The following TTC28 variants were observed in gnomAD, a reference collection of about 807,000 sequenced individuals.
TTC28 encodes the protein tetratricopeptide repeat protein 28.
In TTC28, 61 loss-of-function variants were observed where a neutral mutation model predicts 198.0. The observed-to-expected ratio is 0.31, with a 90% CI of 0.25 to 0.38. TTC28 has a LOEUF of 0.38. TTC28 is among the 10% of genes least tolerant of loss of function. The pLI, the probability that TTC28 is intolerant of heterozygous loss-of-function variation, is 1.00. For missense variants in TTC28, 2,678 were observed against 3,164.0 expected (o/e 0.85, Z 3.69); for synonymous variants, 1,171 against 1,297.8 (o/e 0.90, Z 2.10).
chr22:28,160,103 G>C (rs1921001752), intron 6 of TTC28, among the ~76,000 whole-genome samples: 1 of 152,174 alleles, frequency 6.6e-6, no homozygotes, highest in Non-Finnish European at 1.5e-5. Flanking sequence ...AATGGCTAAT[G>C]GGTATCAAAA....
chr22:28,015,059 A>G (rs1379817507), intron 13 of TTC28, among the ~76,000 whole-genome samples: 1 of 152,208 alleles, frequency 6.6e-6, no homozygotes, highest in Non-Finnish European at 1.5e-5. Context: ...TTTCAACCCC[A>G]AGGACCCCAA....
chr22:28,209,186 G>C (rs1371983936), intron 5 of TTC28, among the ~76,000 whole-genome samples: 1 of 152,112 alleles, frequency 6.6e-6, no homozygotes, highest in Admixed American at 6.5e-5. Context: ...GAGAAGACTG[G>C]GATGGCCGAA....
rs975088321 is a variant in TTC28, at chr22:28,110,537, T to C, written c.1442-2134A>G. 1.3e-4 allele frequency among the ~76,000 whole-genome samples: 20 copies of C among 152,200 alleles called. 1 individual carries two copies. Among genetic ancestry groups the C allele is most frequent in the Admixed American group, 1.3e-3 (20 of 15,290 alleles). ...AAGGTGCTGGAAATTAAATAAGCCA[T>C]GGTAATTCTTCTGTATATTTTTTAT... On this transcript the variant is annotated intron_variant, in intron 6 of 22. Coordinates refer to ENST00000397906, the MANE Select transcript of TTC28 (RefSeq NM_001145418.2).
intron 2 of TTC28, among the ~76,000 whole-genome samples, chr22:28,569,361 C>T (rs1316221810): frequency 6.6e-6 from 1 of 152,010 alleles, no homozygotes; most frequent in African/African-American, 2.4e-5. Context: ...AAAACAGACA[C>T]ATATACAATG....
chr22:28,637,370 C>T (rs1292959891), intron 1 of TTC28, among the ~76,000 whole-genome samples: 1 of 152,100 alleles, frequency 6.6e-6, no homozygotes, highest in East Asian at 1.9e-4. Flanking sequence ...GGTTAAGGAT[C>T]CAATTACACT....
At chr22:28,660,980 A>G (rs2051734302) in intron 1 of TTC28, among the ~76,000 whole-genome samples, 1 of 152,066 alleles carries the variant, frequency 6.6e-6, no homozygotes, top group South Asian at 2.1e-4. Context: ...TTCTTTTGCT[A>G]TCTTAAAAAC....
intron 14 of TTC28, chr22:28,007,172 G>A (rs1180761381): frequency 2.0e-5 from 3 of 151,972 alleles, no homozygotes; most frequent in Admixed American, 6.6e-5. Context: ...CTGTGTATAG[G>A]GCTTCACATT....
At chr22:28,645,943 T>C (rs998138167) in intron 1 of TTC28, among the ~76,000 whole-genome samples, 1 of 152,044 alleles carries the variant, frequency 6.6e-6, no homozygotes, top group Non-Finnish European at 1.5e-5. Flanking sequence ...AAAGCATGTA[T>C]GATAAACTTA....
At chr22:28,018,348 C>A (rs1351333919) in intron 13 of TTC28, among the ~76,000 whole-genome samples, 6 of 147,268 alleles carry the variant, frequency 4.1e-5, no homozygotes, top group Non-Finnish European at 7.5e-5. Flanking sequence ...AGATCCTTTT[C>A]AAAATAAAAA....
intron 2 of TTC28, among the ~76,000 whole-genome samples, chr22:28,539,927 C>T (rs887974360): frequency 1.4e-5 from 2 of 146,622 alleles, no homozygotes; most frequent in Non-Finnish European, 3.0e-5. Context: ...TCTGGGGAGG[C>T]CTCAGGAAGC....
At chr22:28,534,045 C>T (rs964733981) in intron 2 of TTC28, among the ~76,000 whole-genome samples, 2 of 152,074 alleles carry the variant, frequency 1.3e-5, no homozygotes, top group Admixed American at 6.5e-5. Context: ...GCAACAAAAG[C>T]CAAAATTGAC....
intron 5 of TTC28, among the ~76,000 whole-genome samples, chr22:28,191,279 T>C (rs1924719375): frequency 6.6e-6 from 1 of 152,206 alleles, no homozygotes; most frequent in South Asian, 2.1e-4. Context: ...AATTACCAAC[T>C]AAATAGAGAT....
intron 5 of TTC28, among the ~76,000 whole-genome samples, chr22:28,238,353 C>A (rs1929403517): frequency 6.6e-6 from 1 of 152,060 alleles, no homozygotes; most frequent in South Asian, 2.1e-4. Context: ...TGTATCTAAT[C>A]TCTTTTTAAG....
intron 5 of TTC28, among the ~76,000 whole-genome samples, chr22:28,274,976 T>TTAA (rs1555956396): frequency 1.3e-5 from 1 of 77,876 alleles, no homozygotes; most frequent in Non-Finnish European, 2.5e-5. Flanking sequence ...GAGACTGTCT[T>TTAA]AAAAAAAAAA....
At chr22:28,178,884 T>C (rs1412100265) in intron 5 of TTC28, among the ~76,000 whole-genome samples, 1 of 152,180 alleles carries the variant, frequency 6.6e-6, no homozygotes. Context: ...AGGGTTCAGA[T>C]CCACATATGT....
intron 2 of TTC28, among the ~76,000 whole-genome samples, chr22:28,574,117 G>A (rs1034934752): frequency 1.3e-5 from 2 of 152,116 alleles, no homozygotes; most frequent in African/African-American, 4.8e-5. Flanking sequence ...AGGCTCAGGT[G>A]ATCCTCCCAT....
At chr22:28,574,607 G>A (rs1000470800) in intron 2 of TTC28, among the ~76,000 whole-genome samples, 1 of 152,032 alleles carries the variant, frequency 6.6e-6, no homozygotes. Context: ...CCAAACTGTT[G>A]TCCAAAGCAG....
intron 2 of TTC28, among the ~76,000 whole-genome samples, chr22:28,364,205 G>T (rs1467398373): frequency 3.3e-5 from 5 of 152,288 alleles, no homozygotes; most frequent in Non-Finnish European, 5.9e-5. Flanking sequence ...CTGTTCTCAT[G>T]ATAGTAAATA....
chr22:27,991,166 G>C (rs1937391760), intron 19 of TTC28, among the ~76,000 whole-genome samples: 1 of 152,228 alleles, frequency 6.6e-6, no homozygotes. Flanking sequence ...TCCACCAGCT[G>C]CCACCACTGG....
Sources: allele counts gnomAD v4.1 joint callset (sites outside exome capture counted in the v4.1 genomes callset), GRCh38; gene constraint gnomAD v4.1.1; transcripts MANE v1.5; gene names NCBI Gene and HGNC (gene_info 2026-07-23, HGNC 2026-07-21).